Variants in LIMCH1 observed in about 807,000 individuals in gnomAD.
LIMCH1 encodes LIM and calponin homology domains 1.
LIMCH1 carries 113 observed loss-of-function variants against 176.5 expected under a neutral mutation model. The ratio of observed to expected loss-of-function variants is 0.64; its 90% CI spans 0.55 to 0.75. The LOEUF is 0.75. Among genes scored for constraint, LIMCH1 ranks in the 30% least tolerant of loss-of-function variants. LIMCH1 has a pLI of 0.00. For synonymous variants in LIMCH1, 619 were observed against 645.9 expected (o/e 0.96, Z 0.63); for missense variants, 1,674 against 1,814.9 (o/e 0.92, Z 1.41).
At chr4:41,487,500 T>A (rs1321576351) in intron 1 of LIMCH1, among the ~76,000 whole-genome samples, 1 of 152,122 alleles carries the variant, frequency 6.6e-6, no homozygotes, top group Non-Finnish European at 1.5e-5. Context: ...TCAGACTACA[T>A]CTTGGGGGAC....
intron 1 of LIMCH1, among the ~76,000 whole-genome samples, chr4:41,581,418 T>C (rs2085409108): frequency 6.6e-6 from 1 of 152,140 alleles, no homozygotes; most frequent in African/African-American, 2.4e-5. Flanking sequence ...ATCTTATTAC[T>C]GATTATGCCC....
At chr4:41,663,876 G>GTAA (rs1491267102) in intron 20 of LIMCH1, among the ~76,000 whole-genome samples, 2 of 85,916 alleles carry the variant, frequency 2.3e-5, no homozygotes, top group Non-Finnish European at 2.4e-5. Flanking sequence ...AAAAAAAATA[G>GTAA]TAATAATAAT....
chr4:41,686,491 C>G (rs753971277), intron 28 of LIMCH1, among the ~76,000 whole-genome samples: 2 of 152,164 alleles, frequency 1.3e-5, no homozygotes, highest in African/African-American at 4.8e-5. Flanking sequence ...CTCAGTTTCA[C>G]GTAAGATCAT....
At chr4:41,499,603 A>G (rs2072867164) in intron 2 of LIMCH1, among the ~76,000 whole-genome samples, 1 of 152,206 alleles carries the variant, frequency 6.6e-6, no homozygotes, top group South Asian at 2.1e-4. Context: ...GGGGATCATG[A>G]GGTCAAGAGA....
intron 1 of LIMCH1, among the ~76,000 whole-genome samples, chr4:41,575,500 G>A (rs1047212055): frequency 6.6e-6 from 1 of 152,122 alleles, no homozygotes; most frequent in South Asian, 2.1e-4. Flanking sequence ...AGTGCTCATA[G>A]AAATCTTCTG....
chr4:41,453,694 T>C (rs1359745204), intron 1 of LIMCH1: 1 of 152,258 alleles, frequency 6.6e-6, no homozygotes, highest in Non-Finnish European at 1.5e-5. Context: ...CATGTATGTA[T>C]TGATTTTGTG....
intron 2 of LIMCH1, among the ~76,000 whole-genome samples, chr4:41,502,906 A>ACCACAC (rs2073553678): frequency 8.0e-6 from 1 of 125,680 alleles, no homozygotes; most frequent in Non-Finnish European, 1.6e-5. Context: ...ACGGAGGTAA[A>ACCACAC]TCACACACAC....
intron 4 of LIMCH1, chr4:41,612,625 C>A: frequency 1.4e-6 from 1 of 702,514 alleles, no homozygotes; most frequent in East Asian, 2.7e-5. Flanking sequence ...TTTGACTGAC[C>A]TTTCTTCTGC....
At chr4:41,420,402 G>C (rs1212823906) in intron 1 of LIMCH1, among the ~76,000 whole-genome samples, 1 of 152,190 alleles carries the variant, frequency 6.6e-6, no homozygotes, top group Non-Finnish European at 1.5e-5. Context: ...ATAGAGGTCA[G>C]AATAAAAGAT....
chr4:41,605,635 A>T (rs1210633548), intron 3 of LIMCH1, among the ~76,000 whole-genome samples: 1 of 152,188 alleles, frequency 6.6e-6, no homozygotes, highest in Non-Finnish European at 1.5e-5. Flanking sequence ...TGTCTTAGAG[A>T]TCATTTCCTC....
intron 30 of LIMCH1, among the ~76,000 whole-genome samples, chr4:41,691,635 C>T (rs1230094755): frequency 3.3e-5 from 5 of 150,490 alleles, no homozygotes; most frequent in Non-Finnish European, 5.9e-5. Flanking sequence ...TGGTGGCACA[C>T]GCCTGTAATC....
chr4:41,631,421 A>C lies in LIMCH1; in HGVS notation c.1545A>C (p.Ser515=). The change falls in exon 10 of 32, where the codon TCA becomes TCC. Residue 515 remains serine, a synonymous_variant. Transcript: ENST00000503057. ...KIQMDSVSPV[S]AATSSLKGHQ... ...AAATGGACTCTGTGTCTCCTGTCTC[A>C]GCGGCCACTTCCAGCTTAAAGGGCC... 3 of 1,531,878 alleles carry C rather than the reference A, an allele frequency of 2.0e-6. No individual in the cohort carries two copies. The highest frequency in any genetic ancestry group is 2.6e-6 in the Non-Finnish European group (3 of 1,145,700). 94.9% of individuals were successfully genotyped at this position (1,531,878 alleles called of 1,614,324 possible). A position where few individuals can be genotyped will look rare whatever the true frequency, so the allele number is the denominator to read the frequency against.
At chr4:41,428,439 A>C (rs918640950) in intron 1 of LIMCH1, among the ~76,000 whole-genome samples, 4 of 152,240 alleles carry the variant, frequency 2.6e-5, no homozygotes, top group Non-Finnish European at 1.5e-5. Flanking sequence ...TAATGTCAGA[A>C]GAGATTAGTG....
chr4:41,511,083 G>A (rs775989026), intron 2 of LIMCH1, among the ~76,000 whole-genome samples: 21 of 152,170 alleles, frequency 1.4e-4, no homozygotes, highest in Non-Finnish European at 1.2e-4. Flanking sequence ...CGTGACTGGT[G>A]GCCTCTTCCC....
intron 1 of LIMCH1, among the ~76,000 whole-genome samples, chr4:41,555,665 A>T (rs1370042109): frequency 1.3e-5 from 2 of 151,910 alleles, no homozygotes; most frequent in East Asian, 1.9e-4. Flanking sequence ...ACAAACAAGA[A>T]TTTTTTTTTC....
intron 1 of LIMCH1, among the ~76,000 whole-genome samples, chr4:41,419,666 T>TCCTTCCTTCCTTCCGTCCTTCC (rs2060385038): frequency 1.3e-5 from 1 of 77,544 alleles, no homozygotes; most frequent in African/African-American, 7.9e-5. Context: ...CCTTCCTTCC[T>TCCTTCCTTCCTTCCGTCCTTCC]TCCTTCCTTC....
intron 1 of LIMCH1, among the ~76,000 whole-genome samples, chr4:41,430,638 CA>C (rs2061522815): frequency 6.6e-6 from 1 of 152,088 alleles, no homozygotes; most frequent in Non-Finnish European, 1.5e-5. Flanking sequence ...AAGTATGTTC[CA>C]AAAGTTACAA....
intron 2 of LIMCH1, among the ~76,000 whole-genome samples, chr4:41,500,131 A>T (rs1421236389): frequency 2.0e-5 from 3 of 152,244 alleles, no homozygotes; most frequent in Non-Finnish European, 4.4e-5. Context: ...GGTCAAGGTG[A>T]TGTCCCCAAG....
chr4:41,436,063 A>G (rs1186533400), intron 1 of LIMCH1, among the ~76,000 whole-genome samples: 1 of 152,206 alleles, frequency 6.6e-6, no homozygotes, highest in Non-Finnish European at 1.5e-5. Flanking sequence ...TTACTTTTGT[A>G]AAGTTTAGTT....
Sources: allele counts gnomAD v4.1 joint callset (sites outside exome capture counted in the v4.1 genomes callset), GRCh38; gene constraint gnomAD v4.1.1; transcripts MANE v1.5; gene names NCBI Gene and HGNC (gene_info 2026-07-23, HGNC 2026-07-21).